The following EMILIN2 variants were observed in gnomAD, a reference collection of about 807,000 sequenced individuals.
EMILIN2 encodes the protein elastin microfibril interfacer 2.
A neutral mutation model predicts 87.1 loss-of-function variants in EMILIN2; 71 were observed. The ratio of observed to expected loss-of-function variants is 0.82; its 90% confidence interval spans 0.67 to 0.99. The LOEUF (loss-of-function observed/expected upper bound fraction) is 0.99, where lower values mean the gene tolerates loss of function less well. Among genes scored for constraint, EMILIN2 ranks in the 50% least tolerant of loss-of-function variants. The pLI is 0.00. For synonymous variants in EMILIN2, 581 were observed against 563.4 expected (o/e 1.03, Z -0.44); for missense variants, 1,407 against 1,371.8 (o/e 1.03, Z -0.40).
Position 2,880,673 on chromosome 18 carries a change from C to G in EMILIN2, c.258-4291C>G, listed in dbSNP as rs991471818. ...GCGGGTCCCTCGGCTTGGCCACCCC[C>G]ACACTGCAGTTAGTTGACTGATTCT... is the stretch of plus-strand genomic sequence containing the variant. On this transcript the variant is annotated intron_variant, in intron 2 of 7. Coordinates refer to ENST00000254528, the MANE Select transcript of EMILIN2 (RefSeq NM_032048.3). The surrounding 1 kb of genome is among the most constrained non-coding windows in gnomAD (Gnocchi z 4.1). 2.6e-5 allele frequency among the ~76,000 whole-genome samples: 4 copies of G among 152,228 alleles called. No individual in the cohort carries two copies. The highest frequency in any genetic ancestry group is 4.4e-5 in the Non-Finnish European group (3 of 68,046).
chr18:2,891,152 A>G lies in EMILIN2; in HGVS notation c.1025A>G (p.Asn342Ser), dbSNP rs143288293. 12 of 1,613,786 alleles carry G rather than the reference A, an allele frequency of 7.4e-6. No homozygotes were observed. The highest frequency in any genetic ancestry group is 2.7e-5 in the African/African-American group (2 of 74,826). ...GACAGAAAGCTGGCTGACCTGAAAAACTCATGTGAGTACAAGCTCACTGGC... is the reference window on the plus strand; with the variant it reads ...GACAGAAAGCTGGCTGACCTGAAAAGCTCATGTGAGTACAAGCTCACTGGC... ...GMDRKLADLK[N>S]SCEYKLTGLQ... Residue 342 changes from asparagine (N) to serine (S), a missense_variant, in exon 4 of 8, where the codon AAC becomes AGC. Physicochemically the swap from Asn to Ser is conservative, Grantham distance 46. Coordinates refer to ENST00000254528, the MANE Select transcript of EMILIN2 (RefSeq NM_032048.3). The surrounding 1 kb of genome is among the most constrained non-coding windows in gnomAD (Gnocchi z 4.6).
At chr18:2,888,859 T>A (rs541322567) in intron 3 of EMILIN2, among the ~76,000 whole-genome samples, 1 of 149,602 alleles carries the variant, frequency 6.7e-6, no homozygotes, top group South Asian at 2.3e-4. Flanking sequence ...TAACTTGATT[T>A]TAATAAATAA....
intron 2 of EMILIN2, among the ~76,000 whole-genome samples, chr18:2,879,334 G>C (rs2076765240): frequency 6.6e-6 from 1 of 152,142 alleles, no homozygotes; most frequent in Non-Finnish European, 1.5e-5. Flanking sequence ...TTTGACTGAG[G>C]AACAAAATGT....
chr18:2,907,292 AGTC>A (rs1397879199), intron 5 of EMILIN2, among the ~76,000 whole-genome samples: 1 of 152,188 alleles, frequency 6.6e-6, no homozygotes, highest in Non-Finnish European at 1.5e-5. Flanking sequence ...GGGACAGTGC[AGTC>A]GTCTGTACTT....
chr18:2,897,305 T>A (rs2076868080), intron 4 of EMILIN2, among the ~76,000 whole-genome samples: 1 of 152,170 alleles, frequency 6.6e-6, no homozygotes, highest in African/African-American at 2.4e-5. Context: ...GACTTAGTAA[T>A]CACTCAGGAA....
intron 7 of EMILIN2, among the ~76,000 whole-genome samples, chr18:2,911,450 C>T (rs977290298): frequency 2.6e-5 from 4 of 152,212 alleles, no homozygotes; most frequent in African/African-American, 7.2e-5. Context: ...CGCCCAACTC[C>T]GGAGATCTTA....
chr18:2,895,712 G>T (rs565124274), intron 4 of EMILIN2, among the ~76,000 whole-genome samples: 5 of 152,214 alleles, frequency 3.3e-5, no homozygotes, highest in Non-Finnish European at 5.9e-5. Context: ...AGACTATGGC[G>T]ACTGTCAAGG....
Position 2,896,237 on chromosome 18 carries a change from G to A in EMILIN2, c.2359+3751G>A, listed in dbSNP as rs147015694. 9.4e-3 allele frequency among the ~76,000 whole-genome samples: 1,427 copies of A among 152,090 alleles called. 12 individuals are homozygous for A. Among genetic ancestry groups the A allele is most frequent in the Non-Finnish European group, 0.016 (1,085 of 68,000 alleles). Reference sequence around the variant, plus strand: ...GTTGCTGGGGCTGGAGTGCAGTGGCGTGATCTTGGCTCACTGCAACCTCCG... The same window carrying A: ...GTTGCTGGGGCTGGAGTGCAGTGGCATGATCTTGGCTCACTGCAACCTCCG... On this transcript the variant is annotated intron_variant, in intron 4 of 7. Coordinates refer to ENST00000254528, the MANE Select transcript of EMILIN2 (RefSeq NM_032048.3).
chr18:2,873,105 C>T (rs1277536062), intron 2 of EMILIN2, among the ~76,000 whole-genome samples: 1 of 151,860 alleles, frequency 6.6e-6, no homozygotes, highest in African/African-American at 2.4e-5. Flanking sequence ...AGCAAGCCAC[C>T]TATATTTAAC....
intron 2 of EMILIN2, among the ~76,000 whole-genome samples, chr18:2,883,029 T>C (rs2076784864): frequency 6.6e-6 from 1 of 152,126 alleles, no homozygotes; most frequent in Non-Finnish European, 1.5e-5. Context: ...GACCAAGTGA[T>C]ACTTATCTCT....
chr18:2,856,492 G>T (rs1329938112), intron 2 of EMILIN2, among the ~76,000 whole-genome samples: 1 of 152,208 alleles, frequency 6.6e-6, no homozygotes, highest in Non-Finnish European at 1.5e-5. Context: ...CCCCTAATGT[G>T]TTCCTTGAAT....
chr18:2,853,890 C>T (rs11662299), intron 2 of EMILIN2, among the ~76,000 whole-genome samples: 44,962 of 152,152 alleles, frequency 0.3, 6,924 homozygotes, highest in African/African-American at 0.37. Context: ...AGTGTTTGGA[C>T]GTACGGCTGG....
At chr18:2,853,526 T>A (rs1458625134) in intron 2 of EMILIN2, among the ~76,000 whole-genome samples, 1 of 152,186 alleles carries the variant, frequency 6.6e-6, no homozygotes, top group Non-Finnish European at 1.5e-5. Flanking sequence ...CTGACCGCAG[T>A]GGGAATATTT....
intron 2 of EMILIN2, among the ~76,000 whole-genome samples, chr18:2,850,579 A>G (rs552175212): frequency 6.6e-6 from 1 of 151,360 alleles, no homozygotes; most frequent in African/African-American, 2.4e-5. Context: ...CTAGTTTTTT[A>G]TTTTTATTTT....
chr18:2,877,442 T>G (rs1035892068), intron 2 of EMILIN2, among the ~76,000 whole-genome samples: 5 of 151,968 alleles, frequency 3.3e-5, no homozygotes, highest in Admixed American at 1.3e-4. Flanking sequence ...GACAGTTTTT[T>G]TTTTTTTTTT....
intron 4 of EMILIN2, among the ~76,000 whole-genome samples, chr18:2,900,643 C>T (rs949749432): frequency 2.0e-5 from 3 of 148,398 alleles, no homozygotes; most frequent in African/African-American, 5.0e-5. Context: ...ACTGTTTCTT[C>T]GAAAAAGCCC....
Position 2,909,585 on chromosome 18 carries a change from ATGGGCCTGGCACC to A in EMILIN2, c.2696-93_2696-81del, listed in dbSNP as rs1002560944. The A allele has an allele frequency of 3.1e-5, 44 of 1,419,912 alleles. No homozygotes were observed. The Middle Eastern group carries it at 5.6e-4, about 18-fold the overall frequency. 88.0% of individuals were successfully genotyped at this position (1,419,912 alleles called of 1,614,324 possible). ...GCTTCACCACTTTGGGTGAAATAAA[ATGGGCCTGGCACC>A]TGGGCCTGGCACGTAGGCCTCAGTT... On this transcript the variant is annotated intron_variant, in intron 6 of 7. Transcript: ENST00000254528.
chr18:2,875,078 T>A (rs1598492257), intron 2 of EMILIN2, among the ~76,000 whole-genome samples: 1 of 152,136 alleles, frequency 6.6e-6, no homozygotes, highest in Non-Finnish European at 1.5e-5. Context: ...AAGCACAGGG[T>A]GACCAAAGTC....
Position 2,870,851 on chromosome 18 carries a change from A to G in EMILIN2, c.258-14113A>G, listed in dbSNP as rs542248838. 4.6e-5 allele frequency among the ~76,000 whole-genome samples: 7 copies of G among 152,284 alleles called. 1 individual carries two copies. The South Asian group carries it at 1.4e-3, about 32-fold the overall frequency. ...AAGGATCTGTTCCAGGCCTCTCTCC[A>G]TGGCTTGTAGATGTCCGTCTTCTCC... On this transcript the variant is annotated intron_variant, in intron 2 of 7. Coordinates refer to ENST00000254528, the MANE Select transcript of EMILIN2 (RefSeq NM_032048.3).
Sources: gnomAD v4.1 joint callset for allele counts (sites outside exome capture counted in the v4.1 genomes callset) on GRCh38, gnomAD v4.1.1 for gene constraint, Gnocchi (gnomAD v3.1) non-coding constraint, MANE v1.5 for transcripts, NCBI Gene and HGNC (gene_info 2026-07-23, HGNC 2026-07-21) for gene names.